The following METTL25 variants were observed in gnomAD, a reference collection of about 807,000 sequenced individuals.
The protein encoded by METTL25 is methyltransferase like 25.
A neutral mutation model predicts 71.6 loss-of-function variants in METTL25; 64 were observed. The ratio of observed to expected loss-of-function variants is 0.89; its 90% CI spans 0.73 to 1.10. The LOEUF (loss-of-function observed/expected upper bound fraction) is 1.10. Among genes scored for constraint, METTL25 ranks in the 50% least tolerant of loss-of-function variants. The pLI is 0.00. For synonymous variants in METTL25, 287 were observed against 250.3 expected (o/e 1.15, Z -1.38); for missense variants, 807 against 707.0 (o/e 1.14, Z -1.60).
chr12:82,362,123 A>G (rs1882016480), intron 1 of METTL25, among the ~76,000 whole-genome samples: 1 of 152,182 alleles, frequency 6.6e-6, no homozygotes, highest in Non-Finnish European at 1.5e-5. Context: ...CAGTGTGTCC[A>G]TTTCAGTAGG....
At chr12:82,427,202 A>C (rs956109192) in intron 5 of METTL25, among the ~76,000 whole-genome samples, 1 of 151,956 alleles carries the variant, frequency 6.6e-6, no homozygotes, top group Non-Finnish European at 1.5e-5. Context: ...CTCCTCAAGC[A>C]GTGGATTTCT....
At chr12:82,450,203 A>G (rs866822047) in intron 8 of METTL25, among the ~76,000 whole-genome samples, 1 of 151,800 alleles carries the variant, frequency 6.6e-6, no homozygotes, top group Non-Finnish European at 1.5e-5. Context: ...GTCTATACCT[A>G]CTACATACCT....
chr12:82,364,538 A>G lies in METTL25; in HGVS notation c.259+5714A>G, dbSNP rs149594681. ...TTTAGTAGGAAAGACTGTGGCCTAC[A>G]TGTTAGTTCAAGGTCAGCTATGAGC... On this transcript the variant is annotated intron_variant, in intron 1 of 11. Coordinates refer to ENST00000248306, the MANE Select transcript of METTL25 (RefSeq NM_032230.3). 4.6e-3 allele frequency among the ~76,000 whole-genome samples: 707 copies of G among 152,332 alleles called. 2 individuals are homozygous for G. Among genetic ancestry groups the G allele is most frequent in the Middle Eastern group, 0.01 (3 of 292 alleles).
chr12:82,430,889 G>C lies in METTL25; in HGVS notation c.1280-4G>C. On this transcript the variant is annotated splice_polypyrimidine_tract_variant and splice_region_variant and intron_variant, in intron 5 of 11. Transcript: ENST00000248306. ...AATAATCCGTATTTTTCCCCCATCTGCAGAACGTACTCAGGAAAAGTGGGG... is the reference window on the plus strand; with the variant it reads ...AATAATCCGTATTTTTCCCCCATCTCCAGAACGTACTCAGGAAAAGTGGGG... 2.6e-6 allele frequency: 4 copies of C among 1,531,082 alleles called. No individual in the cohort carries two copies. Among genetic ancestry groups the C allele is most frequent in the Non-Finnish European group, 3.6e-6 (4 of 1,115,446 alleles). The allele number at this position is 1,531,082 out of a possible 1,614,324, so 94.8% of individuals were successfully genotyped here. A position where few individuals can be genotyped will look rare whatever the true frequency, so the allele number is the denominator to read the frequency against.
rs555816134 is a variant in METTL25 at position 82,370,526 on chromosome 12, G to T, written c.259+11702G>T. ...AACAATACTTTTCCCCTAAGAAAGTGCAGAGTCCTCCTTTCTCAGCAGTGA... is the reference window on the plus strand; with the variant it reads ...AACAATACTTTTCCCCTAAGAAAGTTCAGAGTCCTCCTTTCTCAGCAGTGA... On this transcript the variant is annotated intron_variant, in intron 1 of 11. Transcript: ENST00000248306. Among the ~76,000 whole-genome samples, 43 of 152,298 alleles carry T rather than the reference G, an allele frequency of 2.8e-4. 1 individual carries two copies. Among genetic ancestry groups the T allele is most frequent in the Middle Eastern group, 6.8e-3 (2 of 294 alleles).
intron 1 of METTL25, among the ~76,000 whole-genome samples, chr12:82,371,894 A>T (rs1883275333): frequency 6.6e-6 from 1 of 152,182 alleles, no homozygotes; most frequent in Non-Finnish European, 1.5e-5. Context: ...GTCCTTCTAG[A>T]ACACAGGTCA....
At chr12:82,465,592 G>A (rs1892177131) in intron 9 of METTL25, among the ~76,000 whole-genome samples, 1 of 151,450 alleles carries the variant, frequency 6.6e-6, no homozygotes, top group Admixed American at 6.6e-5. Context: ...ATCTGCTTTT[G>A]GTTTCAGCGT....
chr12:82,456,164 A>G (rs1162446853), intron 8 of METTL25, among the ~76,000 whole-genome samples: 1 of 151,796 alleles, frequency 6.6e-6, no homozygotes, highest in Non-Finnish European at 1.5e-5. Flanking sequence ...ATTGTAATCA[A>G]AGTTGTGAGA....
chr12:82,362,509 G>A (rs1170717937), intron 1 of METTL25, among the ~76,000 whole-genome samples: 2 of 152,186 alleles, frequency 1.3e-5, no homozygotes, highest in African/African-American at 4.8e-5. Context: ...GCTGGAGCAC[G>A]CTTGGTGCAT....
At chr12:82,470,345 A>C (rs1406524362) in intron 9 of METTL25, among the ~76,000 whole-genome samples, 1 of 152,148 alleles carries the variant, frequency 6.6e-6, no homozygotes, top group Non-Finnish European at 1.5e-5. Flanking sequence ...TGGCTCTGGA[A>C]ATATGATGCA....
intron 1 of METTL25, among the ~76,000 whole-genome samples, chr12:82,384,546 T>A (rs532441403): frequency 6.6e-6 from 1 of 152,136 alleles, no homozygotes; most frequent in South Asian, 2.1e-4. Context: ...TTCTAGACTA[T>A]CTGAGTAAAA....
chr12:82,453,570 A>T (rs558125806), intron 8 of METTL25, among the ~76,000 whole-genome samples: 3 of 152,164 alleles, frequency 2.0e-5, no homozygotes, highest in Non-Finnish European at 4.4e-5. Context: ...AATGCAGCAA[A>T]GGACATAAGA....
chr12:82,389,177 G>A (rs1885343388), intron 2 of METTL25, among the ~76,000 whole-genome samples: 1 of 152,070 alleles, frequency 6.6e-6, no homozygotes, highest in Non-Finnish European at 1.5e-5. Context: ...GTATAGTACT[G>A]TAGTTCTGCA....
At position 82,431,947 on chromosome 12, in the gene METTL25, A is replaced by C. The variant is rs533910437; in HGVS notation, c.1374+960A>C. On this transcript the variant is annotated intron_variant, in intron 6 of 11. Transcript: ENST00000248306. ...GAAAACTGTATGGAAAGTGAAAAAT[A>C]GAATGGTTGTATGAGTATTCAAATT... Among the ~76,000 whole-genome samples the C allele has an allele frequency of 4.0e-5, 6 of 151,804 alleles. No individual in the cohort carries two copies. The South Asian group carries it at 1.2e-3, about 31-fold the overall frequency.
At chr12:82,447,712 C>G (rs1890855927) in intron 8 of METTL25, among the ~76,000 whole-genome samples, 1 of 152,050 alleles carries the variant, frequency 6.6e-6, no homozygotes, top group Admixed American at 6.6e-5. Flanking sequence ...GTATTTAATA[C>G]TAGTAATGTA....
intron 4 of METTL25, among the ~76,000 whole-genome samples, 188 bp downstream of exon 4, chr12:82,399,582 G>C (rs1221899781): frequency 2.0e-5 from 3 of 152,090 alleles, no homozygotes; most frequent in Non-Finnish European, 4.4e-5. Flanking sequence ...TCAGAATAGA[G>C]TATCCTCTAC....
intron 1 of METTL25, among the ~76,000 whole-genome samples, chr12:82,382,611 A>G (rs894791381): frequency 2.0e-5 from 3 of 152,336 alleles, no homozygotes; most frequent in Admixed American, 6.5e-5. Flanking sequence ...GGCATAAAGC[A>G]TAGGTTTACT....
chr12:82,424,452 G>T (rs1229944252), intron 5 of METTL25, among the ~76,000 whole-genome samples: 6 of 152,000 alleles, frequency 3.9e-5, no homozygotes, highest in African/African-American at 7.3e-5. Flanking sequence ...GAGTTAATGG[G>T]TGCAGCATGC....
intron 1 of METTL25, among the ~76,000 whole-genome samples, chr12:82,359,095 C>A (rs1464332916): frequency 4.6e-5 from 7 of 152,114 alleles, no homozygotes; most frequent in Non-Finnish European, 1.0e-4. Flanking sequence ...TCTAGTAATT[C>A]CATAATAATT....
Sources: gnomAD v4.1 joint callset for allele counts (sites outside exome capture counted in the v4.1 genomes callset) on GRCh38, gnomAD v4.1.1 for gene constraint, MANE v1.5 for transcripts, NCBI Gene and HGNC (gene_info 2026-07-23, HGNC 2026-07-21) for gene names.